Variants in ISM2 observed in about 807,000 individuals in gnomAD.
The protein encoded by ISM2 is isthmin-2.
ISM2 carries 50 observed loss-of-function variants against 58.0 expected under a neutral mutation model. That is an observed-to-expected ratio of 0.86 (90% CI 0.69 to 1.09). ISM2 has a LOEUF of 1.09. Ranked by LOEUF, ISM2 falls within the 50% of genes least tolerant of loss-of-function variation. The pLI is 0.00. For synonymous variants in ISM2, 303 were observed against 312.4 expected, an observed-to-expected ratio of 0.97 and a Z score of 0.32; for missense variants, 723 against 745.0, an observed-to-expected ratio of 0.97 and a Z score of 0.34.
intron 1 of ISM2, among the ~76,000 whole-genome samples, chr14:77,493,019 G>A (rs998352509): frequency 2.0e-5 from 3 of 151,982 alleles, no homozygotes; most frequent in African/African-American, 4.8e-5. Context: ...AAAAAGACAG[G>A]GTCTCATTCT....
intron 4 of ISM2, 52 bp from the exon 5 acceptor site, chr14:77,478,767 T>C (rs772405779): frequency 2.5e-6 from 4 of 1,575,558 alleles, no homozygotes; most frequent in African/African-American, 1.3e-5. Context: ...ACAGGGCAAA[T>C]TGGTACAAAT....
At chr14:77,477,595 G>A (rs2079106226) in intron 6 of ISM2, among the ~76,000 whole-genome samples, 1 of 152,246 alleles carries the variant, frequency 6.6e-6, no homozygotes, top group African/African-American at 2.4e-5. Context: ...GGTTATGCGT[G>A]TCTTTCCCCC....
intron 4 of ISM2, among the ~76,000 whole-genome samples, chr14:77,480,574 T>A (rs1482470339): frequency 7.2e-5 from 5 of 69,280 alleles, no homozygotes; most frequent in African/African-American, 2.2e-4. Context: ...TTTTTTTTTT[T>A]AGAGACAGGG....
chr14:77,495,625 C>T (rs941444064), intron 1 of ISM2, among the ~76,000 whole-genome samples: 5 of 152,128 alleles, frequency 3.3e-5, no homozygotes, highest in East Asian at 3.9e-4. Context: ...CCACAGGAAG[C>T]ATGTGGAGTG....
chr14:77,478,171 GAATAATACCCCACCCTCCC>G, intron 6 of ISM2, 52 bp downstream of exon 6: 1 of 1,296,594 alleles, frequency 7.7e-7, no homozygotes, highest in Non-Finnish European at 1.1e-6. Context: ...TCCTGCCATG[GAATAATACCCCACCCTCCC>G]CTGAGAGCTC....
intron 1 of ISM2, 99 bp from the exon 2 acceptor site, chr14:77,485,018 A>G: frequency 7.7e-7 from 1 of 1,306,484 alleles, no homozygotes; most frequent in Non-Finnish European, 1.1e-6. Context: ...CTGGGGTCTG[A>G]CCGGGTCATA....
chr14:77,482,590 G>C lies in ISM2; in HGVS notation c.705C>G (p.Pro235=). The C allele has an allele frequency of 6.2e-7, 1 of 1,611,852 alleles. No homozygotes were observed. The highest frequency in any genetic ancestry group is 1.1e-5 in the South Asian group (1 of 90,744). The change falls in exon 4 of 7, where the codon CCC becomes CCG. Residue 235 remains proline (P), a synonymous_variant. Coordinates refer to ENST00000342219, the MANE Select transcript of ISM2 (RefSeq NM_199296.3). ...CGGGCAGCCAGCTAAGGGTATCCTGGGGCGGGGGATTGCTGGGCTCAGCCA... is the reference window on the plus strand; with the variant it reads ...CGGGCAGCCAGCTAAGGGTATCCTGCGGCGGGGGATTGCTGGGCTCAGCCA... The part of the protein sequence containing the change: ...DLLAEPSNPP[P]QDTLSWLPAL...
At position 77,475,358 on chromosome 14, in the gene ISM2, T is replaced by C. The variant is rs984618426; in HGVS notation, c.*237A>G. The C allele has an allele frequency of 2.0e-5, 8 of 410,042 alleles. No individual in the cohort carries two copies. The South Asian group carries it at 4.2e-4, about 21-fold the overall frequency. 25.4% of individuals were successfully genotyped at this position (410,042 alleles called of 1,614,324 possible). On this transcript the variant is annotated 3_prime_UTR_variant, in exon 7 of 7. Transcript: ENST00000342219. The surrounding 1 kb of genome is among the most constrained non-coding windows in gnomAD (Gnocchi z 4.1). ...GGCAGACACATGCACATATGCACAT[T>C]TCCAGGGCTCCCAGGGACACCCACC...
At position 77,475,735 on chromosome 14, in the gene ISM2, C is replaced by G; in HGVS notation, c.1576G>C (p.Asp526His). 3 of 1,613,664 alleles carry G rather than the reference C, an allele frequency of 1.9e-6. No homozygotes were observed. Among genetic ancestry groups the G allele is most frequent in the Non-Finnish European group, 2.5e-6 (3 of 1,179,922 alleles). ...TTGCACAGGATCCAGGGCGTCGTGT[C>G]GAACTTGAAGTGCAGCTTAGGTGAG... ...DFSPKLHFKF[D>H]TTPWILCKGD... is the part of the protein sequence containing the mutation. Residue 526 changes from aspartate to histidine, a missense_variant, in exon 7 of 7, where the codon GAC (aspartate) becomes CAC (histidine). Transcript: ENST00000342219. This position sits in a 1 kb window ranked among gnomAD's most constrained non-coding sequence, Gnocchi z 4.1.
chr14:77,479,263 AGGCTAGAGTGCAGT>A (rs1454935006), intron 4 of ISM2, among the ~76,000 whole-genome samples: 2 of 152,014 alleles, frequency 1.3e-5, no homozygotes, highest in East Asian at 3.9e-4. Context: ...TCTGTCACCC[AGGCTAGAGTGCAGT>A]GGCGTGATTT....
At chr14:77,484,154 G>T in intron 3 of ISM2, 169 bp downstream of exon 3, 1 of 801,252 alleles carries the variant, frequency 1.2e-6, no homozygotes, top group Non-Finnish European at 2.0e-6. Flanking sequence ...AGAGGGGCAG[G>T]TCCTCTGCCC....
intron 1 of ISM2, among the ~76,000 whole-genome samples, chr14:77,487,247 A>C (rs1594951704): frequency 1.6e-5 from 1 of 62,158 alleles, no homozygotes; most frequent in Non-Finnish European, 3.6e-5. Flanking sequence ...TCCATCTTAA[A>C]TAAATAAATA....
intron 4 of ISM2, among the ~76,000 whole-genome samples, chr14:77,479,897 C>T (rs890124787): frequency 1.3e-5 from 2 of 151,906 alleles, no homozygotes; most frequent in Admixed American, 6.6e-5. Flanking sequence ...TGGGCTCAAG[C>T]GATCCTCCAG....
chr14:77,497,364 T>C (rs2079249515), intron 1 of ISM2, among the ~76,000 whole-genome samples: 1 of 78,870 alleles, frequency 1.3e-5, no homozygotes, highest in African/African-American at 3.8e-5. Context: ...TGAGGCTCTG[T>C]CTCAAAAAAA....
chr14:77,484,277 C>T lies in ISM2; in HGVS notation c.627+46G>A, dbSNP rs554504224. The T allele has an allele frequency of 1.7e-4, 278 of 1,590,704 alleles. 1 individual carries two copies. The South Asian group carries it at 3.0e-3, about 17-fold the overall frequency. ...CTGAGCCCACCTTGTCAGCCCCGCT[C>T]CTCTCCGGGTGTCTGCAGGGCTGCT... On this transcript the variant is annotated intron_variant, in intron 3 of 6. Transcript: ENST00000342219.
intron 1 of ISM2, among the ~76,000 whole-genome samples, chr14:77,489,904 C>T (rs1192014333): frequency 6.6e-6 from 1 of 152,212 alleles, no homozygotes; most frequent in Non-Finnish European, 1.5e-5. Context: ...TGCTCTGTCG[C>T]CCAGGCTGGA....
chr14:77,495,543 G>A (rs1033995374), intron 1 of ISM2, among the ~76,000 whole-genome samples: 1 of 152,218 alleles, frequency 6.6e-6, no homozygotes, highest in Non-Finnish European at 1.5e-5. Context: ...CCATGTAGGA[G>A]GAGGGACTGG....
intron 1 of ISM2, among the ~76,000 whole-genome samples, chr14:77,494,847 T>G (rs952667397): frequency 6.6e-6 from 1 of 152,130 alleles, no homozygotes; most frequent in Admixed American, 6.6e-5. Flanking sequence ...GACAGAACCA[T>G]AAAGATGACT....
intron 1 of ISM2, among the ~76,000 whole-genome samples, chr14:77,496,307 GC>G (rs2079239913): frequency 2.7e-5 from 4 of 150,448 alleles, no homozygotes; most frequent in Admixed American, 6.6e-5. Flanking sequence ...TGACCAACAT[GC>G]AGAAACCCCA....
Sources: allele counts gnomAD v4.1 joint callset (sites outside exome capture counted in the v4.1 genomes callset), GRCh38; gene constraint gnomAD v4.1.1; non-coding constraint Gnocchi (gnomAD v3.1); transcripts MANE v1.5; gene names NCBI Gene and HGNC (gene_info 2026-07-23, HGNC 2026-07-21).